Variants in SLC8A1 observed in about 807,000 individuals in gnomAD.
SLC8A1 encodes sodium/calcium exchanger 1.
A neutral mutation model predicts 68.3 loss-of-function variants in SLC8A1; 18 were observed. The ratio of observed to expected loss-of-function variants is 0.26; its 90% CI spans 0.18 to 0.39. The LOEUF is 0.39. Ranked by LOEUF, SLC8A1 falls within the 10% of genes least tolerant of loss-of-function variation. The pLI is 1.00. For missense variants in SLC8A1, 985 were observed against 1,156.7 expected (o/e 0.85, Z 2.15); for synonymous variants, 475 against 415.5 (o/e 1.14, Z -1.74).
intron 2 of SLC8A1, among the ~76,000 whole-genome samples, chr2:40,270,660 TCTC>T (rs2065913667): frequency 1.3e-5 from 2 of 152,156 alleles, no homozygotes; most frequent in South Asian, 2.1e-4. Flanking sequence ...TCCAGAACAA[TCTC>T]CTCATCTCAA....
intron 2 of SLC8A1, among the ~76,000 whole-genome samples, chr2:40,294,964 G>A (rs1575142766): frequency 1.3e-5 from 2 of 152,026 alleles, no homozygotes; most frequent in Non-Finnish European, 2.9e-5. Flanking sequence ...ACAGAAAAAA[G>A]TTATACTATG....
At chr2:40,180,252 T>A (rs556087066) in intron 2 of SLC8A1, among the ~76,000 whole-genome samples, 1 of 152,184 alleles carries the variant, frequency 6.6e-6, no homozygotes, top group Admixed American at 6.5e-5. Flanking sequence ...AAAATTATTC[T>A]GCTGTGACTA....
chr2:40,432,082 T>C (rs1224390416), intron 1 of SLC8A1, among the ~76,000 whole-genome samples: 2 of 152,140 alleles, frequency 1.3e-5, no homozygotes, highest in Non-Finnish European at 2.9e-5. Context: ...GTTCAGTCTT[T>C]GAAAGGCTTT....
intron 5 of SLC8A1, among the ~76,000 whole-genome samples, chr2:40,162,720 T>G (rs750546562): frequency 1.3e-5 from 2 of 152,184 alleles, no homozygotes; most frequent in African/African-American, 2.4e-5. Flanking sequence ...CTGTTGTCTG[T>G]ATTTACCTAG....
chr2:40,414,255 A>C (rs1693115313), intron 2 of SLC8A1, among the ~76,000 whole-genome samples: 1 of 152,164 alleles, frequency 6.6e-6, no homozygotes, highest in African/African-American at 2.4e-5. Context: ...AACTCTGGGA[A>C]CTGTTGAGAT....
intron 6 of SLC8A1, among the ~76,000 whole-genome samples, chr2:40,157,743 A>C (rs2044837997): frequency 1.3e-5 from 2 of 152,182 alleles, no homozygotes; most frequent in Non-Finnish European, 2.9e-5. Flanking sequence ...TTGCCTTGCA[A>C]GTTTTGACAG....
intron 2 of SLC8A1, among the ~76,000 whole-genome samples, chr2:40,263,493 A>T (rs2064970154): frequency 6.6e-6 from 1 of 152,176 alleles, no homozygotes; most frequent in South Asian, 2.1e-4. Flanking sequence ...TGGTACTGGT[A>T]CCAAAACAGA....
intron 2 of SLC8A1, among the ~76,000 whole-genome samples, chr2:40,202,073 A>G (rs570428419): frequency 2.0e-5 from 3 of 152,074 alleles, no homozygotes; most frequent in Non-Finnish European, 2.9e-5. Flanking sequence ...CTTTTTTGCT[A>G]TACTATCCTT....
intron 1 of SLC8A1, among the ~76,000 whole-genome samples, chr2:40,458,082 C>A (rs995488185): frequency 2.6e-5 from 4 of 152,172 alleles, no homozygotes; most frequent in Non-Finnish European, 5.9e-5. Context: ...TATGATTCAG[C>A]CAGGGCTGAA....
chr2:40,316,783 T>A (rs936763336), intron 2 of SLC8A1, among the ~76,000 whole-genome samples: 2 of 151,986 alleles, frequency 1.3e-5, no homozygotes, highest in African/African-American at 4.8e-5. Context: ...TTGTGTTTTA[T>A]CTCAATACAT....
chr2:40,388,559 A>G (rs1684322996), intron 2 of SLC8A1, among the ~76,000 whole-genome samples: 1 of 152,186 alleles, frequency 6.6e-6, no homozygotes, highest in African/African-American at 2.4e-5. Context: ...CTATGCATCT[A>G]AGCAACAGTA....
chr2:40,200,269 A>C, intron 2 of SLC8A1, among the ~76,000 whole-genome samples: 1 of 60,040 alleles, frequency 1.7e-5, no homozygotes, highest in African/African-American at 6.4e-5. Flanking sequence ...TATATATATA[A>C]CCTCTTTTAG....
At chr2:40,498,542 C>T (rs528226941) in intron 1 of SLC8A1, among the ~76,000 whole-genome samples, 1 of 152,158 alleles carries the variant, frequency 6.6e-6, no homozygotes, top group South Asian at 2.1e-4. Context: ...CTGACCTTCA[C>T]TGGGATTTTT....
chr2:40,412,221 A>G (rs1216626109), intron 2 of SLC8A1, among the ~76,000 whole-genome samples: 1 of 152,136 alleles, frequency 6.6e-6, no homozygotes, highest in Admixed American at 6.6e-5. Flanking sequence ...GATCTCATGC[A>G]ACTGCGACCA....
At chr2:40,490,022 A>G (rs1705213095) in intron 1 of SLC8A1, among the ~76,000 whole-genome samples, 1 of 152,094 alleles carries the variant, frequency 6.6e-6, no homozygotes, top group African/African-American at 2.4e-5. Context: ...ACAAGCACCA[A>G]AAACTATCTT....
In SLC8A1 at chr2:40,259,355, A is replaced by G. The variant is rs372730013; in HGVS notation, c.1809-81500T>C. Among the ~76,000 whole-genome samples the G allele has an allele frequency of 2.2e-4, 34 of 152,342 alleles. No homozygotes were observed. In the South Asian group the frequency reaches 6.6e-3, roughly 30 times the overall value. On this transcript the variant is annotated intron_variant, in intron 2 of 7. Coordinates refer to ENST00000406785, the Ensembl canonical transcript of SLC8A1. ...CCACACCTGTCCAACATAGAGATCC[A>G]CTTAACAGAAGTCCTACCCTCTAGA...
chr2:40,329,097 C>G (rs1413722086), intron 2 of SLC8A1, among the ~76,000 whole-genome samples: 1 of 150,210 alleles, frequency 6.7e-6, no homozygotes, highest in East Asian at 2.0e-4. Context: ...CACACACACA[C>G]ACACGCACTG....
intron 6 of SLC8A1, among the ~76,000 whole-genome samples, chr2:40,158,832 G>C (rs1188696076): frequency 6.6e-6 from 1 of 152,142 alleles, no homozygotes; most frequent in East Asian, 1.9e-4. Flanking sequence ...CACAACATAT[G>C]AAAGTGTTTG....
intron 2 of SLC8A1, among the ~76,000 whole-genome samples, chr2:40,353,710 C>T (rs376810591): frequency 6.6e-6 from 1 of 152,204 alleles, no homozygotes; most frequent in Admixed American, 6.5e-5. Flanking sequence ...CCTTTGTACT[C>T]TTTCTCCCAA....
Sources: gnomAD v4.1 joint callset for allele counts (sites outside exome capture counted in the v4.1 genomes callset) on GRCh38, gnomAD v4.1.1 for gene constraint, MANE v1.5 for transcripts, NCBI Gene and HGNC (gene_info 2026-07-23, HGNC 2026-07-21) for gene names.